The following SLC7A9 variants were observed in gnomAD, a reference collection of about 807,000 sequenced individuals.
The protein encoded by SLC7A9 is solute carrier family 7 member 9, also known as B(0,+)-type amino acid transporter 1.
SLC7A9 carries 38 observed loss-of-function variants against 54.1 expected under a neutral mutation model. That is an observed-to-expected ratio of 0.70 (90% CI 0.54 to 0.92). The LOEUF is 0.92. Ranked by LOEUF, SLC7A9 falls within the 40% of genes least tolerant of loss-of-function variation. SLC7A9 has a pLI of 0.00. For synonymous variants in SLC7A9, 264 were observed against 258.9 expected (o/e 1.02, Z -0.19); for missense variants, 537 against 636.1 (o/e 0.84, Z 1.68).
At chr19:32,864,061 CT>C in intron 4 of SLC7A9, 34 bp downstream of exon 4, 1 of 1,613,216 alleles carries the variant, frequency 6.2e-7, no homozygotes, top group South Asian at 1.1e-5. Context: ...TGTGCCAGGT[CT>C]TTTCTGACCC....
At chr19:32,845,834 C>A (rs1410950525) in intron 9 of SLC7A9, among the ~76,000 whole-genome samples, 1 of 152,092 alleles carries the variant, frequency 6.6e-6, no homozygotes, top group Non-Finnish European at 1.5e-5. Context: ...ATAGTGAAAC[C>A]CCCTCTCTCC....
In SLC7A9 at chr19:32,859,901, G is replaced by A. The variant is rs371236313; in HGVS notation, c.813C>T (p.Asn271=). 3.2e-5 allele frequency: 52 copies of A among 1,614,074 alleles called. No homozygotes were observed. Among genetic ancestry groups the A allele is most frequent in the Admixed American group, 5.0e-5 (3 of 59,998 alleles). ...CAGTCATCACGGTGAAGTAGGACAC[G>A]TTCATGAGGATGTAGCACGCCGTCA... The part of the protein sequence containing the change: ...PLVTACYILM[N]VSYFTVMTAT... Residue 271 remains asparagine, a synonymous_variant, in exon 8 of 13, where the codon AAC becomes AAT. Transcript: ENST00000023064.
chr19:32,844,322 A>G (rs1968217311), intron 9 of SLC7A9, among the ~76,000 whole-genome samples: 1 of 152,172 alleles, frequency 6.6e-6, no homozygotes, highest in African/African-American at 2.4e-5. Context: ...TTGTGTTGGG[A>G]ACATTCAATA....
chr19:32,861,965 C>T lies in SLC7A9; in HGVS notation c.704+153G>A, dbSNP rs540183941. On this transcript the variant is annotated intron_variant, in intron 6 of 12. Coordinates refer to ENST00000023064, the MANE Select transcript of SLC7A9 (RefSeq NM_014270.5). ...TCAGGGAATAAAGGGGAGAGGTTGT[C>T]GCATCCTTCACAAAAAGGAAATGTG... 2.6e-5 allele frequency among the ~76,000 whole-genome samples: 4 copies of T among 152,188 alleles called. No individual in the cohort carries two copies. The South Asian group carries it at 6.2e-4, about 24-fold the overall frequency.
chr19:32,860,729 C>A (rs923502374), intron 6 of SLC7A9, 79 bp from the exon 7 acceptor site: 2 of 1,574,306 alleles, frequency 1.3e-6, no homozygotes, highest in Non-Finnish European at 1.7e-6. Flanking sequence ...TAAATGTTGG[C>A]CTCATTTAAG....
chr19:32,831,646 G>A (rs1353413273), intron 12 of SLC7A9, among the ~76,000 whole-genome samples: 2 of 152,188 alleles, frequency 1.3e-5, no homozygotes, highest in Non-Finnish European at 2.9e-5. Flanking sequence ...TGACACAAGT[G>A]CTTTCTTTTC....
chr19:32,832,126 C>T (rs1967814688), intron 12 of SLC7A9, among the ~76,000 whole-genome samples: 1 of 142,510 alleles, frequency 7.0e-6, no homozygotes, highest in South Asian at 2.2e-4. Context: ...AAATACAAAA[C>T]AACAACAAGG....
At chr19:32,840,667 C>G (rs527727064) in intron 11 of SLC7A9, among the ~76,000 whole-genome samples, 1 of 152,252 alleles carries the variant, frequency 6.6e-6, no homozygotes, top group South Asian at 2.1e-4. Context: ...AGTTGTTTCT[C>G]TTGCTGTTGT....
intron 11 of SLC7A9, among the ~76,000 whole-genome samples, chr19:32,833,537 C>T (rs1180956994): frequency 6.6e-6 from 1 of 152,142 alleles, no homozygotes; most frequent in Non-Finnish European, 1.5e-5. Context: ...GGTGCTCACA[C>T]CTGTAATCCC....
intron 9 of SLC7A9, among the ~76,000 whole-genome samples, chr19:32,853,667 A>G (rs4487028): frequency 0.014 from 2,180 of 152,234 alleles, 20 homozygotes; most frequent in Non-Finnish European, 0.023. Context: ...CTGTAATCCC[A>G]ACACTTTGGG....
chr19:32,843,839 C>A lies in SLC7A9; in HGVS notation c.1074+16G>T, dbSNP rs116421916. ...CCCCGCCTTGAAGATAGGCTGGTAG[C>A]GGGATTTGTACTCACATAAAAGATG... On this transcript the variant is annotated intron_variant, in intron 10 of 12. Coordinates refer to ENST00000023064, the MANE Select transcript of SLC7A9 (RefSeq NM_014270.5). 1 of 1,595,102 alleles carries A rather than the reference C, an allele frequency of 6.3e-7. No individual in the cohort carries two copies. Among genetic ancestry groups the A allele is most frequent in the African/African-American group, 1.3e-5 (1 of 74,650 alleles).
At position 32,859,831 on chromosome 19, in the gene SLC7A9, G is replaced by A. The variant is rs758082676; in HGVS notation, c.873+10C>T. The A allele has an allele frequency of 1.9e-5, 31 of 1,608,662 alleles. No individual in the cohort carries two copies. Among genetic ancestry groups the A allele is most frequent in the Middle Eastern group, 1.6e-4 (1 of 6,070 alleles). ...ACAGCCCCCGCCAGCAGCGATGCCC[G>A]GGCACTCACCACAGCCACCGCCTGG... is the stretch of plus-strand genomic sequence containing the variant. On this transcript the variant is annotated intron_variant, in intron 8 of 12. Transcript: ENST00000023064.
chr19:32,830,707 G>A (rs752252799), intron 12 of SLC7A9, 23 bp from the exon 13 acceptor site: 3 of 1,596,112 alleles, frequency 1.9e-6, no homozygotes, highest in Non-Finnish European at 2.6e-6. Flanking sequence ...TCAAAAATGA[G>A]TACAGTTAGT....
intron 11 of SLC7A9, among the ~76,000 whole-genome samples, chr19:32,834,491 G>A (rs187362240): frequency 9.6e-4 from 146 of 152,158 alleles, no homozygotes; most frequent in South Asian, 8.3e-3. Flanking sequence ...TTAGCCGGGC[G>A]TGATGGCAGA....
Position 32,868,605 on chromosome 19 carries a change from C to A in SLC7A9, c.-71G>T. On this transcript the variant is annotated 5_prime_UTR_variant, in exon 2 of 13. Coordinates refer to ENST00000023064, the MANE Select transcript of SLC7A9 (RefSeq NM_014270.5). ...TAAATCTTGGTTCAGCAGCAGCAGA[C>A]AAGACGCAAGTGCAAGCTCGGCCTG... The A allele has an allele frequency of 7.6e-7, 1 of 1,310,576 alleles. No homozygotes were observed. The allele number at this position is 1,310,576 out of a possible 1,614,324, so 81.2% of individuals were successfully genotyped here.
rs376648868 is a variant in SLC7A9 at position 32,852,944 on chromosome 19, C to T, written c.977+5496G>A. ...TTTTTTTTTTTGAGAGACGGAGTCT[C>T]GCTCTGTCACCCAGGCTGGAGTGCA... On this transcript the variant is annotated intron_variant, in intron 9 of 12. Coordinates refer to ENST00000023064, the MANE Select transcript of SLC7A9 (RefSeq NM_014270.5). 2.9e-4 allele frequency among the ~76,000 whole-genome samples: 40 copies of T among 138,136 alleles called. No individual in the cohort carries two copies. The East Asian group carries it at 7.0e-3, about 24-fold the overall frequency. 90.6% of individuals were successfully genotyped at this position (138,136 alleles called of 152,430 possible).
rs753450871 is a variant in SLC7A9, at chr19:32,860,638, ATTGAG to A, written c.712_716del (p.Asn239HisfsTer6). Reference sequence around the variant, plus strand: ...GGTTTCTAAGTTCTTCTGTGATGTAATTGAGTTGATTCCTGGAAAAAGGAAAGTAA... The same window carrying A: ...GGTTTCTAAGTTCTTCTGTGATGTAATTGATTCCTGGAAAAAGGAAAGTAA... On this transcript the variant is annotated frameshift_variant, in exon 7 of 13. Coordinates refer to ENST00000023064, the MANE Select transcript of SLC7A9 (RefSeq NM_014270.5). LOFTEE classifies it high-confidence loss of function. The A allele has an allele frequency of 6.2e-7, 1 of 1,614,168 alleles. No homozygotes were observed. Among genetic ancestry groups the A allele is most frequent in the Non-Finnish European group, 8.5e-7 (1 of 1,180,028 alleles).
intron 9 of SLC7A9, among the ~76,000 whole-genome samples, chr19:32,857,668 A>G (rs1968666215): frequency 6.6e-6 from 1 of 152,148 alleles, no homozygotes; most frequent in African/African-American, 2.4e-5. Context: ...AACTAAGCCA[A>G]GACACGTGTT....
chr19:32,832,006 T>C (rs1967810898), intron 12 of SLC7A9, among the ~76,000 whole-genome samples: 1 of 152,224 alleles, frequency 6.6e-6, no homozygotes, highest in South Asian at 2.1e-4. Flanking sequence ...CTGGGCGCAG[T>C]GGCTCATGCC....
Sources: gnomAD v4.1 joint callset for allele counts (sites outside exome capture counted in the v4.1 genomes callset) on GRCh38, gnomAD v4.1.1 for gene constraint, MANE v1.5 for transcripts, NCBI Gene and HGNC (gene_info 2026-07-23, HGNC 2026-07-21) for gene names.